Variants in GPC5 observed in about 807,000 individuals in gnomAD.
GPC5 encodes the protein glypican-5.
A neutral mutation model predicts 53.9 loss-of-function variants in GPC5; 47 were observed. The observed-to-expected ratio is 0.87, with a 90% CI of 0.69 to 1.11. The LOEUF is 1.11. GPC5 is among the 50% of genes most tolerant of loss of function. The pLI is 0.00. For missense variants in GPC5, 748 were observed against 713.1 expected, an observed-to-expected ratio of 1.05 and a Z score of -0.56; for synonymous variants, 286 against 263.3, an observed-to-expected ratio of 1.09 and a Z score of -0.84.
intron 7 of GPC5, among the ~76,000 whole-genome samples, chr13:92,516,544 A>C (rs1291414900): frequency 6.6e-6 from 1 of 152,168 alleles, no homozygotes; most frequent in African/African-American, 2.4e-5. Context: ...GTATTAGGAC[A>C]AGTTATTCAG....
intron 7 of GPC5, among the ~76,000 whole-genome samples, chr13:92,245,233 C>T (rs899969724): frequency 1.3e-5 from 2 of 152,040 alleles, no homozygotes; most frequent in African/African-American, 2.4e-5. Flanking sequence ...GCATGTTTCA[C>T]TCTCATTTTA....
chr13:92,127,008 G>T (rs777634232), intron 6 of GPC5, among the ~76,000 whole-genome samples: 45 of 152,058 alleles, frequency 3.0e-4, no homozygotes, highest in Non-Finnish European at 5.7e-4. Flanking sequence ...AAGTCAAGTG[G>T]TTTAATCAGC....
chr13:92,328,326 G>T (rs1423518659), intron 7 of GPC5, among the ~76,000 whole-genome samples: 2 of 152,130 alleles, frequency 1.3e-5, no homozygotes, highest in Non-Finnish European at 2.9e-5. Flanking sequence ...CAACCAGATA[G>T]GGAGTTCCCA....
chr13:92,307,408 C>A lies in GPC5; in HGVS notation c.1561+162419C>A, dbSNP rs191646564. Among the ~76,000 whole-genome samples, 5 of 152,084 alleles carry A rather than the reference C, an allele frequency of 3.3e-5. 1 individual carries two copies. Among genetic ancestry groups the A allele is most frequent in the Non-Finnish European group, 5.9e-5 (4 of 68,022 alleles). ...GGCAGAGGTTGCAGTGAGCCGAGAT[C>A]GTGCCATGGCACTCCAGCCTGGGCA... On this transcript the variant is annotated intron_variant, in intron 7 of 7. Coordinates refer to ENST00000377067, the MANE Select transcript of GPC5 (RefSeq NM_004466.6).
intron 2 of GPC5, among the ~76,000 whole-genome samples, chr13:91,555,462 T>TA (rs1566500620): frequency 6.6e-6 from 1 of 151,930 alleles, no homozygotes; most frequent in Non-Finnish European, 1.5e-5. Context: ...GGATGTTTTC[T>TA]GGGGGCGAGT....
At chr13:91,825,405 C>T (rs1263388665) in intron 5 of GPC5, among the ~76,000 whole-genome samples, 1 of 152,054 alleles carries the variant, frequency 6.6e-6, no homozygotes, top group East Asian at 1.9e-4. Context: ...TATAGCATTG[C>T]CCTATTCTTG....
chr13:92,538,583 G>C (rs1166921956), intron 7 of GPC5, among the ~76,000 whole-genome samples: 4 of 146,038 alleles, frequency 2.7e-5, no homozygotes, highest in Non-Finnish European at 6.0e-5. Flanking sequence ...ATCTACATTA[G>C]GTATTTCTCC....
At chr13:92,488,875 A>G (rs971782427) in intron 7 of GPC5, among the ~76,000 whole-genome samples, 1 of 152,232 alleles carries the variant, frequency 6.6e-6, no homozygotes, top group African/African-American at 2.4e-5. Context: ...ACATAGCAAT[A>G]GCATTTAAAG....
intron 5 of GPC5, among the ~76,000 whole-genome samples, chr13:91,844,018 G>A (rs2038820400): frequency 6.6e-6 from 1 of 152,142 alleles, no homozygotes; most frequent in Admixed American, 6.6e-5. Context: ...GGAAAATAAT[G>A]TATATTTGAG....
intron 2 of GPC5, among the ~76,000 whole-genome samples, chr13:91,459,813 T>A (rs923178416): frequency 6.6e-6 from 1 of 152,152 alleles, no homozygotes; most frequent in Admixed American, 6.5e-5. Flanking sequence ...CATATTTCTG[T>A]AATAAAATAT....
Position 91,514,704 on chromosome 13 carries a change from T to A in GPC5, c.325+65782T>A, listed in dbSNP as rs554471398. Among the ~76,000 whole-genome samples the A allele has an allele frequency of 1.4e-3, 218 of 152,288 alleles. 2 individuals carry two copies. The highest frequency in any genetic ancestry group is 5.1e-3 in the African/African-American group (213 of 41,582). ...TTTCAAAATATGTACAATATTATAC[T>A]TATCTCCTCATATCTCTATTCTCAT... On this transcript the variant is annotated intron_variant, in intron 2 of 7. Coordinates refer to ENST00000377067, the MANE Select transcript of GPC5 (RefSeq NM_004466.6).
chr13:92,438,413 G>A (rs1409842523), intron 7 of GPC5, among the ~76,000 whole-genome samples: 4 of 149,620 alleles, frequency 2.7e-5, no homozygotes, highest in East Asian at 2.0e-4. Flanking sequence ...TATATATTAC[G>A]AGACATGCCT....
intron 2 of GPC5, among the ~76,000 whole-genome samples, chr13:91,646,577 A>G (rs896775058): frequency 6.6e-6 from 1 of 152,154 alleles, no homozygotes; most frequent in African/African-American, 2.4e-5. Context: ...TTGATCTAAC[A>G]TAATGGTTTA....
At chr13:92,692,752 C>CTTTTTTTTTTTTTTTTTTTTTTT (rs1457273874) in intron 7 of GPC5, among the ~76,000 whole-genome samples, 2 of 61,286 alleles carry the variant, frequency 3.3e-5, no homozygotes, top group Admixed American at 2.4e-4. Context: ...CCAATATCGG[C>CTTTTTTTTTTTTTTTTTTTTTTT]TATTTTTTTT....
At chr13:91,598,001 A>G (rs1455664317) in intron 2 of GPC5, among the ~76,000 whole-genome samples, 2 of 152,164 alleles carry the variant, frequency 1.3e-5, no homozygotes, top group Non-Finnish European at 1.5e-5. Context: ...TGTAAAAAAC[A>G]TCAGAAAATA....
chr13:92,068,843 T>C (rs1323693750), intron 6 of GPC5, among the ~76,000 whole-genome samples: 2 of 151,784 alleles, frequency 1.3e-5, no homozygotes, highest in African/African-American at 4.8e-5. Flanking sequence ...ATAATATTTG[T>C]CCTTAAAAAG....
intron 7 of GPC5, among the ~76,000 whole-genome samples, chr13:92,250,182 T>A (rs1566504230): frequency 6.6e-6 from 1 of 152,220 alleles, no homozygotes; most frequent in African/African-American, 2.4e-5. Context: ...AAGAGAAGGA[T>A]AAAGACAATT....
At chr13:91,733,886 G>A (rs577598657) in intron 4 of GPC5, among the ~76,000 whole-genome samples, 1 of 152,234 alleles carries the variant, frequency 6.6e-6, no homozygotes, top group African/African-American at 2.4e-5. Flanking sequence ...TGTTGAGAAG[G>A]GGCATCCTTG....
chr13:92,763,316 T>C (rs1219213488), intron 7 of GPC5, among the ~76,000 whole-genome samples: 1 of 152,114 alleles, frequency 6.6e-6, no homozygotes, highest in Admixed American at 6.5e-5. Flanking sequence ...AAGGCCATGG[T>C]GGCTGATTCT....
Sources: gnomAD v4.1 joint callset for allele counts (sites outside exome capture counted in the v4.1 genomes callset) on GRCh38, gnomAD v4.1.1 for gene constraint, MANE v1.5 for transcripts, NCBI Gene and HGNC (gene_info 2026-07-23, HGNC 2026-07-21) for gene names.